The following DNAH7 variants were observed in gnomAD, a reference collection of about 807,000 sequenced individuals.
DNAH7 encodes the protein dynein axonemal heavy chain 7.
In DNAH7, 397 loss-of-function variants were observed where a neutral mutation model predicts 444.6. The ratio of observed to expected loss-of-function variants is 0.89; its 90% confidence interval spans 0.82 to 0.97. The LOEUF (loss-of-function observed/expected upper bound fraction) is 0.97, where lower values mean the gene tolerates loss of function less well. DNAH7 is among the 50% of genes least tolerant of loss of function. The probability of loss-of-function intolerance (pLI) is 0.00; values close to 1 mark genes in which losing one functional copy is unlikely to be tolerated. For synonymous variants in DNAH7, 1,636 were observed against 1,624.4 expected (o/e 1.01, Z -0.17); for missense variants, 4,902 against 4,800.8 (o/e 1.02, Z -0.62).
chr2:195,809,635 T>C (rs1000613287), intron 52 of DNAH7, 110 bp downstream of exon 52: 2 of 1,047,360 alleles, frequency 1.9e-6, no homozygotes, highest in Non-Finnish European at 2.5e-6. Context: ...ACAAACAGTA[T>C]TATTGCTTAA....
intron 58 of DNAH7, among the ~76,000 whole-genome samples, chr2:195,783,449 T>C (rs1049021622): frequency 6.6e-6 from 1 of 152,216 alleles, no homozygotes; most frequent in South Asian, 2.1e-4. Context: ...TAGTTGTAGC[T>C]CCAGGTGTTC....
At chr2:195,801,062 C>T (rs1396167596) in intron 54 of DNAH7, among the ~76,000 whole-genome samples, 1 of 152,158 alleles carries the variant, frequency 6.6e-6, no homozygotes, top group South Asian at 2.1e-4. Flanking sequence ...CTTCGACCTT[C>T]TGCCATGCTG....
At chr2:196,001,166 GAGA>G (rs1694010738) in intron 11 of DNAH7, among the ~76,000 whole-genome samples, 1 of 152,098 alleles carries the variant, frequency 6.6e-6, no homozygotes, top group Non-Finnish European at 1.5e-5. Context: ...TAGAGCCCAA[GAGA>G]AGAACACTCC....
rs1700037686 is a variant in DNAH7, at chr2:195,861,876, A to G, written c.7577T>C (p.Ile2526Thr). The change falls in exon 42 of 65, where the codon ATA (isoleucine) becomes ACA (threonine). Residue 2526 changes from isoleucine to threonine, a missense_variant. Physicochemically the swap from Ile to Thr is moderately conservative, Grantham distance 89. Transcript: ENST00000312428. ...ACACATGTCGATACAGCCATCTCGTATTTCCTCTGACATTTCAATTTCTTC... is the reference window on the plus strand; with the variant it reads ...ACACATGTCGATACAGCCATCTCGTGTTTCCTCTGACATTTCAATTTCTTC... ...FLEEIEMSEEIRDGCIDMCKS... is the reference protein window; with the variant it reads ...FLEEIEMSEETRDGCIDMCKS... 7 of 1,613,908 alleles carry G rather than the reference A, an allele frequency of 4.3e-6. No homozygotes were observed. The highest frequency in any genetic ancestry group is 1.7e-5 in the Admixed American group (1 of 59,994).
At chr2:196,039,997 G>A (rs1696642881) in intron 5 of DNAH7, among the ~76,000 whole-genome samples, 1 of 151,828 alleles carries the variant, frequency 6.6e-6, no homozygotes, top group Non-Finnish European at 1.5e-5. Context: ...GGAAGAAATA[G>A]ACAAATAATG....
chr2:196,008,910 T>C (rs1694549893), intron 10 of DNAH7, among the ~76,000 whole-genome samples: 1 of 152,180 alleles, frequency 6.6e-6, no homozygotes, highest in African/African-American at 2.4e-5. Flanking sequence ...CTCATGATTC[T>C]ATACGCTGTA....
intron 58 of DNAH7, among the ~76,000 whole-genome samples, chr2:195,785,102 G>A (rs1006065012): frequency 8.6e-5 from 13 of 151,916 alleles, no homozygotes; most frequent in African/African-American, 1.2e-4. Flanking sequence ...TAGTAGAGAC[G>A]GGGTTTCACC....
chr2:195,857,228 G>T, intron 44 of DNAH7, 149 bp downstream of exon 44: 1 of 650,196 alleles, frequency 1.5e-6, no homozygotes, highest in Non-Finnish European at 2.5e-6. Flanking sequence ...GCATAATCTT[G>T]CCTCCAGTAA....
At chr2:195,859,606 G>T (rs1699905325) in intron 42 of DNAH7, among the ~76,000 whole-genome samples, 1 of 152,066 alleles carries the variant, frequency 6.6e-6, no homozygotes, top group Non-Finnish European at 1.5e-5. Context: ...TAAGGAACTG[G>T]CTTGAGCTGG....
Position 195,876,675 on chromosome 2 carries a change from T to C in DNAH7, c.5986A>G (p.Lys1996Glu). The C allele has an allele frequency of 1.2e-6, 2 of 1,600,180 alleles. No homozygotes were observed. The highest frequency in any genetic ancestry group is 1.1e-5 in the South Asian group (1 of 89,246). ...ATTAGCAGAGGTTTGTAGATTTCCT[T>C]ATTTAGTTGATTTAAAAGAAAATTC... The part of the protein sequence containing the change: ...ITNFLLNQLN[K>E]EIYKPLLINF... The change falls in exon 37 of 65, where the codon AAG becomes GAG. Residue 1996 changes from lysine to glutamate, a missense_variant. Physicochemically the swap from Lys to Glu is moderately conservative, Grantham distance 56. Coordinates refer to ENST00000312428, the MANE Select transcript of DNAH7 (RefSeq NM_018897.3).
Position 195,936,607 on chromosome 2 carries a change from A to T in DNAH7, c.3264T>A (p.Asp1088Glu), listed in dbSNP as rs763318079. ...ELLEILSETK[D>E]PTRVQPHLKK... ...ACATGTAAATTACTTACCTAGTGGG[A>T]TCTTTAGTCTCAGATAGTATCTCAA... Residue 1088 changes from aspartate to glutamate, a missense_variant, in exon 20 of 65, where the codon GAT (aspartate) becomes GAA (glutamate). By Grantham distance (45) the Asp-to-Glu change is conservative. Coordinates refer to ENST00000312428, the MANE Select transcript of DNAH7 (RefSeq NM_018897.3). The T allele has an allele frequency of 3.2e-6, 5 of 1,584,424 alleles. No homozygotes were observed. In the South Asian group the frequency reaches 6.0e-5, roughly 19 times the overall value.
chr2:195,876,777 C>A, intron 36 of DNAH7, 78 bp from the exon 37 acceptor site: 1 of 971,082 alleles, frequency 1.0e-6, no homozygotes, highest in Non-Finnish European at 1.5e-6. Flanking sequence ...AGCATCATTA[C>A]TGATAGACTC....
intron 21 of DNAH7, among the ~76,000 whole-genome samples, chr2:195,927,701 C>T (rs1688430453): frequency 6.6e-6 from 1 of 151,128 alleles, no homozygotes; most frequent in South Asian, 2.1e-4. Context: ...TAAAGTTCCA[C>T]AATATTATAT....
At chr2:196,066,181 C>T (rs1338002727) in intron 1 of DNAH7, among the ~76,000 whole-genome samples, 2 of 152,210 alleles carry the variant, frequency 1.3e-5, no homozygotes, top group East Asian at 3.8e-4. Flanking sequence ...CAAGTATTAA[C>T]CCTCCTGATC....
Position 196,026,911 on chromosome 2 carries a change from A to C in DNAH7, c.516T>G (p.Ile172Met). 6.2e-7 allele frequency: 1 copy of C among 1,610,464 alleles called. No homozygotes were observed. The highest frequency in any genetic ancestry group is 8.5e-7 in the Non-Finnish European group (1 of 1,177,890). The stretch of plus-strand genomic sequence containing the variant: ...CCATTGGGGCTACATGGTCTGTATC[A>C]ATTCCATGGTGAATATAATAGTAAT... ...LRYYYYIHHG[I>M]DTDHVAPMED... is the part of the protein sequence containing the mutation. The change falls in exon 7 of 65, where the codon ATT (isoleucine) becomes ATG (methionine). Residue 172 changes from isoleucine (I) to methionine (M), a missense_variant. Ile to Met is a conservative substitution (Grantham distance 10). Transcript: ENST00000312428.
At chr2:195,931,584 T>G (rs1688700196) in intron 21 of DNAH7, among the ~76,000 whole-genome samples, 1 of 151,900 alleles carries the variant, frequency 6.6e-6, no homozygotes. Flanking sequence ...TAATCCATCT[T>G]GAATTAATTT....
intron 9 of DNAH7, among the ~76,000 whole-genome samples, chr2:196,015,394 T>C (rs1451979303): frequency 6.6e-6 from 1 of 152,200 alleles, no homozygotes; most frequent in Non-Finnish European, 1.5e-5. Context: ...TTCATCTTCA[T>C]CAAATAATAA....
chr2:195,862,012 G>T, intron 41 of DNAH7, 66 bp from the exon 42 acceptor site: 1 of 1,233,924 alleles, frequency 8.1e-7, no homozygotes, highest in Non-Finnish European at 1.2e-6. Context: ...TACTACTGCA[G>T]CCCTTTACAA....
At chr2:195,887,689 T>C (rs2125205224) in intron 33 of DNAH7, among the ~76,000 whole-genome samples, 1 of 152,298 alleles carries the variant, frequency 6.6e-6, no homozygotes, top group African/African-American at 2.4e-5. Flanking sequence ...GGTCAGCATC[T>C]CCCAAAGCAG....
Sources: allele counts gnomAD v4.1 joint callset (sites outside exome capture counted in the v4.1 genomes callset), GRCh38; gene constraint gnomAD v4.1.1; transcripts MANE v1.5; gene names NCBI Gene and HGNC (gene_info 2026-07-23, HGNC 2026-07-21).